Variants in ELL observed in about 807,000 individuals in gnomAD.
ELL encodes the protein RNA polymerase II elongation factor ELL.
Under a neutral mutation model 64.0 loss-of-function variants are expected in ELL, and 18 were observed. The ratio of observed to expected loss-of-function variants is 0.28; its 90% CI spans 0.19 to 0.42. The LOEUF (loss-of-function observed/expected upper bound fraction) is 0.42, where lower values mean the gene tolerates loss of function less well. Ranked by LOEUF, ELL falls within the 10% of genes least tolerant of loss-of-function variation. The pLI, the probability that ELL is intolerant of heterozygous loss-of-function variation, is 1.00. For missense variants in ELL, 797 were observed against 870.4 expected (o/e 0.92, Z 1.06); for synonymous variants, 399 against 376.2 (o/e 1.06, Z -0.70).
intron 7 of ELL, 41 bp downstream of exon 7, chr19:18,451,511 G>A: frequency 7.0e-7 from 1 of 1,424,486 alleles, no homozygotes; most frequent in African/African-American, 1.5e-5. Context: ...AGAGTGCCCT[G>A]CAGGTGCTTG....
intron 2 of ELL, among the ~76,000 whole-genome samples, chr19:18,466,596 C>CT (rs1974940710): frequency 6.6e-6 from 1 of 152,198 alleles, no homozygotes; most frequent in Admixed American, 6.5e-5. Context: ...GACGGACAGC[C>CT]AGGGGCAGGC....
At chr19:18,445,298 A>G (rs1400835252) in intron 10 of ELL, 30 bp from the exon 11 acceptor site, 1 of 1,606,930 alleles carries the variant, frequency 6.2e-7, no homozygotes, top group Admixed American at 1.7e-5. Context: ...TTGAGAAAAC[A>G]GAATGTGTCC....
chr19:18,509,437 T>A (rs1037670379), intron 1 of ELL, among the ~76,000 whole-genome samples: 2 of 151,926 alleles, frequency 1.3e-5, no homozygotes, highest in South Asian at 4.2e-4. Context: ...GAGTCACCCT[T>A]CCGAAAGAAG....
intron 1 of ELL, among the ~76,000 whole-genome samples, chr19:18,480,627 G>GT (rs534562262): frequency 4.6e-5 from 7 of 152,166 alleles, no homozygotes; most frequent in Non-Finnish European, 8.8e-5. Context: ...GGCATAGCAA[G>GT]TATTTTTTTT....
intron 1 of ELL, among the ~76,000 whole-genome samples, chr19:18,475,005 TC>T (rs1485617512): frequency 2.0e-5 from 3 of 152,140 alleles, no homozygotes; most frequent in African/African-American, 7.2e-5. Flanking sequence ...GCACCTGTAA[TC>T]CCAACTACTT....
chr19:18,473,748 G>C lies in ELL; in HGVS notation c.136-866C>G, dbSNP rs368271352. Among the ~76,000 whole-genome samples the C allele has an allele frequency of 4.0e-5, 6 of 151,510 alleles. No homozygotes were observed. In the South Asian group the frequency reaches 8.4e-4, roughly 21 times the overall value. On this transcript the variant is annotated intron_variant, in intron 1 of 11. Coordinates refer to ENST00000262809, the MANE Select transcript of ELL (RefSeq NM_006532.4). ...CCTAAGCGTAGATCTCAGTGTCCCA[G>C]ATGCTACCCCACAGCATAGCCCTGG...
intron 1 of ELL, among the ~76,000 whole-genome samples, chr19:18,516,369 A>G (rs1568402489): frequency 6.6e-6 from 1 of 152,136 alleles, no homozygotes; most frequent in African/African-American, 2.4e-5. Flanking sequence ...AGCAGACTGC[A>G]GCTCCGTGTC....
Position 18,446,388 on chromosome 19 carries a change from C to A in ELL, c.1625G>T (p.Arg542Leu), listed in dbSNP as rs1359195870. ...EYSEYRDLHA[R>L]IERITRRFTQ... is the part of the protein sequence containing the mutation. Reference sequence around the variant, plus strand: ...GAACCGCCGCGTGATGCGCTCAATGCGGGCGTGCAGGTCGCGGTACTCGCT... The same window carrying A: ...GAACCGCCGCGTGATGCGCTCAATGAGGGCGTGCAGGTCGCGGTACTCGCT... The change falls in exon 10 of 12, where the codon CGC (arginine) becomes CTC (leucine). Residue 542 changes from arginine to leucine, a missense_variant. Coordinates refer to ENST00000262809, the MANE Select transcript of ELL (RefSeq NM_006532.4). 1 of 1,611,220 alleles carries A rather than the reference C, an allele frequency of 6.2e-7. No individual in the cohort carries two copies. Among genetic ancestry groups the A allele is most frequent in the Non-Finnish European group, 8.5e-7 (1 of 1,179,532 alleles).
rs1976285627 is a variant in ELL at position 18,521,794 on chromosome 19, G to A, written c.135+127C>T. On this transcript the variant is annotated intron_variant, in intron 1 of 11. Coordinates refer to ENST00000262809, the MANE Select transcript of ELL (RefSeq NM_006532.4). The stretch of plus-strand genomic sequence containing the variant: ...CTGGCGCCCACTCCGCGCCCCGCCG[G>A]CCCAGGGACCCGCGAGCAGCACCAC... 5.3e-6 allele frequency: 7 copies of A among 1,314,868 alleles called. No homozygotes were observed. The South Asian group carries it at 9.8e-5, about 18-fold the overall frequency. The allele number at this position is 1,314,868 out of a possible 1,614,324, so 81.5% of individuals were successfully genotyped here.
Position 18,444,592 on chromosome 19 carries a change from C to T in ELL, c.*160G>A. 2.8e-6 allele frequency: 2 copies of T among 719,444 alleles called. No individual in the cohort carries two copies. The highest frequency in any genetic ancestry group is 2.2e-6 in the Non-Finnish European group (1 of 453,044). 44.6% of individuals were successfully genotyped at this position (719,444 alleles called of 1,614,324 possible). A position where few individuals can be genotyped will look rare whatever the true frequency, so the allele number is the denominator to read the frequency against. ...CGCAGGGAGGGCCGAGGTGGGCTTG[C>T]AGCCACCCGCCAGGGCCAGACGTCT... On this transcript the variant is annotated 3_prime_UTR_variant, in exon 12 of 12. Coordinates refer to ENST00000262809, the MANE Select transcript of ELL (RefSeq NM_006532.4).
intron 1 of ELL, among the ~76,000 whole-genome samples, chr19:18,503,077 T>C (rs1246202660): frequency 6.6e-6 from 1 of 152,234 alleles, no homozygotes. Context: ...AGTGGCACTT[T>C]ACAGCTGGTT....
intron 1 of ELL, among the ~76,000 whole-genome samples, chr19:18,517,160 A>C (rs1976148212): frequency 6.6e-6 from 1 of 152,112 alleles, no homozygotes. Context: ...TCCTGGAAGG[A>C]GGGGGTGTGT....
intron 1 of ELL, among the ~76,000 whole-genome samples, chr19:18,478,193 G>A (rs747695649): frequency 6.6e-6 from 1 of 152,182 alleles, no homozygotes; most frequent in East Asian, 1.9e-4. Context: ...GCCAACATGC[G>A]TGGTGTCATG....
chr19:18,443,903 A>T lies in ELL; in HGVS notation c.*849T>A. 1 of 232,638 alleles carries T rather than the reference A, an allele frequency of 4.3e-6. No homozygotes were observed. The highest frequency in any genetic ancestry group is 1.3e-3 in the Middle Eastern group (1 of 776). 14.4% of individuals were successfully genotyped at this position (232,638 alleles called of 1,614,324 possible). A position where few individuals can be genotyped will look rare whatever the true frequency, so the allele number is the denominator to read the frequency against. On this transcript the variant is annotated 3_prime_UTR_variant, in exon 12 of 12. Coordinates refer to ENST00000262809, the MANE Select transcript of ELL (RefSeq NM_006532.4). ...GACCACAAGGTCTCAACAGTGTGGAATGAGCAGCAGCAGCAACAAATGGGA... is the reference window on the plus strand; with the variant it reads ...GACCACAAGGTCTCAACAGTGTGGATTGAGCAGCAGCAGCAACAAATGGGA...
At chr19:18,471,814 CAT>C (rs1021957962) in intron 2 of ELL, among the ~76,000 whole-genome samples, 2 of 152,174 alleles carry the variant, frequency 1.3e-5, no homozygotes, top group African/African-American at 4.8e-5. Context: ...TAGAAGAAAA[CAT>C]ATTTCAAAAA....
At position 18,444,732 on chromosome 19, in the gene ELL, C is replaced by T; in HGVS notation, c.*20G>A. The T allele has an allele frequency of 6.3e-7, 1 of 1,583,150 alleles. No individual in the cohort carries two copies. The highest frequency in any genetic ancestry group is 8.6e-7 in the Non-Finnish European group (1 of 1,166,532). ...TTTGCTCCCCCGACCCTCCCAGATC[C>T]CCGCCATCGGGGAGGGCGGCTAGGG... On this transcript the variant is annotated 3_prime_UTR_variant, in exon 12 of 12. Transcript: ENST00000262809.
intron 1 of ELL, among the ~76,000 whole-genome samples, chr19:18,494,780 G>C (rs1487968997): frequency 6.6e-6 from 1 of 152,114 alleles, no homozygotes; most frequent in Non-Finnish European, 1.5e-5. Flanking sequence ...AGCCTTCTGG[G>C]CTCTGACCAG....
At chr19:18,520,607 CAG>C (rs1408225495) in intron 1 of ELL, among the ~76,000 whole-genome samples, 4 of 151,934 alleles carry the variant, frequency 2.6e-5, no homozygotes, top group African/African-American at 4.8e-5. Context: ...GGAAACGAAA[CAG>C]GGGGAAGAAA....
chr19:18,470,176 C>T (rs1975034933), intron 2 of ELL, among the ~76,000 whole-genome samples: 1 of 152,258 alleles, frequency 6.6e-6, no homozygotes, highest in Admixed American at 6.5e-5. Flanking sequence ...TGTGTAGCCA[C>T]CCCAGGTCTC....
Sources: allele counts gnomAD v4.1 joint callset (sites outside exome capture counted in the v4.1 genomes callset), GRCh38; gene constraint gnomAD v4.1.1; transcripts MANE v1.5; gene names NCBI Gene and HGNC (gene_info 2026-07-23, HGNC 2026-07-21).